Variants in BANK1 observed in about 807,000 individuals in gnomAD.
The protein encoded by BANK1 is B cell scaffold protein with ankyrin repeats 1.
Under a neutral mutation model 94.5 loss-of-function variants are expected in BANK1, and 95 were observed. The ratio of observed to expected loss-of-function variants is 1.00; its 90% CI spans 0.85 to 1.19. BANK1 has a LOEUF of 1.19. BANK1 is among the 50% of genes most tolerant of loss of function. BANK1 has a pLI of 0.00. For synonymous variants in BANK1, 334 were observed against 308.4 expected (o/e 1.08, Z -0.87); for missense variants, 987 against 932.2 (o/e 1.06, Z -0.77).
intron 6 of BANK1, among the ~76,000 whole-genome samples, chr4:101,908,184 C>CATGGTACTGGTACCAAAACAGA (rs1323463742): frequency 7.9e-5 from 12 of 152,200 alleles, no homozygotes; most frequent in Non-Finnish European, 1.6e-4. Context: ...ACCAAAACAG[C>CATGGTACTGGTACCAAAACAGA]ATGGTACTGG....
intron 11 of BANK1, among the ~76,000 whole-genome samples, chr4:102,053,851 A>G (rs1043810043): frequency 6.6e-6 from 1 of 151,780 alleles, no homozygotes; most frequent in Admixed American, 6.6e-5. Flanking sequence ...TAGGAACTAG[A>G]AAAAAATGTT....
rs562346784 is a variant in BANK1, at chr4:101,812,238, G to T, written c.71-17570G>T. On this transcript the variant is annotated intron_variant, in intron 1 of 16. Transcript: ENST00000322953. ...ACTGGAATTAGTAAGAAGTTCCAAA[G>T]AATAAACTGTATCTTTAATTATATA... Among the ~76,000 whole-genome samples the T allele has an allele frequency of 2.0e-5, 3 of 151,926 alleles. No individual in the cohort carries two copies. The South Asian group carries it at 6.2e-4, about 32-fold the overall frequency.
intron 10 of BANK1, among the ~76,000 whole-genome samples, chr4:102,033,363 A>T (rs1477327200): frequency 6.6e-6 from 1 of 152,242 alleles, no homozygotes; most frequent in Non-Finnish European, 1.5e-5. Context: ...CCCATCCCTA[A>T]GTAAAATAAG....
chr4:101,848,566 A>G (rs758928444), intron 2 of BANK1, among the ~76,000 whole-genome samples: 5 of 152,356 alleles, frequency 3.3e-5, no homozygotes, highest in Non-Finnish European at 7.3e-5. Flanking sequence ...CACTAGATCC[A>G]TTTGCTAAGA....
At chr4:101,934,304 A>G (rs961073100) in intron 7 of BANK1, among the ~76,000 whole-genome samples, 2 of 151,340 alleles carry the variant, frequency 1.3e-5, no homozygotes, top group African/African-American at 4.8e-5. Flanking sequence ...GCCTCTCAAT[A>G]TCTTTCTACT....
intron 7 of BANK1, among the ~76,000 whole-genome samples, chr4:102,005,941 G>C (rs143092490): frequency 6.6e-6 from 1 of 151,904 alleles, no homozygotes; most frequent in African/African-American, 2.4e-5. Context: ...ACAATATTGC[G>C]TATAAAGAAA....
At chr4:101,974,971 A>T (rs1225391867) in intron 7 of BANK1, among the ~76,000 whole-genome samples, 1 of 152,100 alleles carries the variant, frequency 6.6e-6, no homozygotes, top group Non-Finnish European at 1.5e-5. Context: ...ATAAATAAAT[A>T]AACTGAAACA....
At chr4:101,893,181 A>G (rs752049157) in intron 5 of BANK1, among the ~76,000 whole-genome samples, 1 of 151,924 alleles carries the variant, frequency 6.6e-6, no homozygotes, top group Non-Finnish European at 1.5e-5. Context: ...TTAAAATTTA[A>G]CTATATTATC....
At chr4:101,906,576 C>T (rs542129331) in intron 6 of BANK1, among the ~76,000 whole-genome samples, 10 of 152,218 alleles carry the variant, frequency 6.6e-5, no homozygotes, top group South Asian at 6.2e-4. Context: ...CTTCCTTTGC[C>T]GCTTTAGCTT....
At chr4:102,027,757 T>A (rs1235954770) in intron 9 of BANK1, among the ~76,000 whole-genome samples, 1 of 151,742 alleles carries the variant, frequency 6.6e-6, no homozygotes, top group Non-Finnish European at 1.5e-5. Context: ...GAGAAACTAA[T>A]AACATATAAT....
chr4:101,869,464 G>C (rs1045381955), intron 4 of BANK1, among the ~76,000 whole-genome samples: 1 of 151,776 alleles, frequency 6.6e-6, no homozygotes, highest in Non-Finnish European at 1.5e-5. Flanking sequence ...TTGTAATACA[G>C]GCGAGGTGTC....
chr4:101,931,902 A>G (rs903977412), intron 7 of BANK1, among the ~76,000 whole-genome samples: 3 of 151,512 alleles, frequency 2.0e-5, no homozygotes, highest in African/African-American at 7.3e-5. Context: ...AACATGGGCC[A>G]TGGCAAAGCT....
intron 1 of BANK1, among the ~76,000 whole-genome samples, chr4:101,822,343 G>A (rs768702565): frequency 6.6e-6 from 1 of 151,616 alleles, no homozygotes; most frequent in Non-Finnish European, 1.5e-5. Context: ...CTGCACTCCA[G>A]CCTTAGTGAG....
chr4:102,020,661 A>G (rs1726863712), intron 7 of BANK1, among the ~76,000 whole-genome samples: 1 of 152,166 alleles, frequency 6.6e-6, no homozygotes, highest in Admixed American at 6.5e-5. Flanking sequence ...TTTAATATGG[A>G]TGCTTCTAAT....
At chr4:101,907,984 G>A (rs1217284082) in intron 6 of BANK1, among the ~76,000 whole-genome samples, 1 of 152,140 alleles carries the variant, frequency 6.6e-6, no homozygotes, top group Non-Finnish European at 1.5e-5. Flanking sequence ...TACTGCCCAA[G>A]GTAATTTATA....
intron 7 of BANK1, among the ~76,000 whole-genome samples, chr4:101,937,165 T>C (rs1723594735): frequency 6.6e-6 from 1 of 151,662 alleles, no homozygotes; most frequent in African/African-American, 2.4e-5. Context: ...TAGACAGAAC[T>C]GGAGGACATT....
chr4:101,913,653 A>T (rs1477188545), intron 6 of BANK1, among the ~76,000 whole-genome samples: 1 of 152,172 alleles, frequency 6.6e-6, no homozygotes, highest in Non-Finnish European at 1.5e-5. Flanking sequence ...CTGAAATCAG[A>T]GCATCTTTCG....
At chr4:101,824,257 C>T (rs1384783368) in intron 1 of BANK1, among the ~76,000 whole-genome samples, 4 of 152,152 alleles carry the variant, frequency 2.6e-5, no homozygotes, top group Non-Finnish European at 5.9e-5. Flanking sequence ...TTAGCACCAG[C>T]GAAAGTCCTC....
At position 101,956,803 on chromosome 4, in the gene BANK1, C is replaced by T. The variant is rs113071130; in HGVS notation, c.1206+38614C>T. 8.3e-3 allele frequency among the ~76,000 whole-genome samples: 1,258 copies of T among 151,788 alleles called. 8 individuals carry two copies. Among genetic ancestry groups the T allele is most frequent in the Non-Finnish European group, 0.014 (937 of 67,846 alleles). On this transcript the variant is annotated intron_variant, in intron 7 of 16. Coordinates refer to ENST00000322953, the MANE Select transcript of BANK1 (RefSeq NM_017935.5). ...ATCATTTTGTTTGTTTGTTTTTTCTCCTCTTAGGCATAGAATTATATAGAA... is the reference window on the plus strand; with the variant it reads ...ATCATTTTGTTTGTTTGTTTTTTCTTCTCTTAGGCATAGAATTATATAGAA...
Sources: gnomAD v4.1 joint callset for allele counts (sites outside exome capture counted in the v4.1 genomes callset) on GRCh38, gnomAD v4.1.1 for gene constraint, MANE v1.5 for transcripts, NCBI Gene and HGNC (gene_info 2026-07-23, HGNC 2026-07-21) for gene names.